Variants in NEFL observed in about 807,000 individuals in gnomAD.
NEFL encodes neurofilament light chain, also known as neurofilament light polypeptide.
NEFL carries 36 observed loss-of-function variants against 51.6 expected under a neutral mutation model. The ratio of observed to expected loss-of-function variants is 0.70; its 90% CI spans 0.53 to 0.92. The LOEUF is 0.92. NEFL is among the 40% of genes least tolerant of loss of function. The pLI is 0.00. For missense variants in NEFL, 671 were observed against 722.0 expected, an observed-to-expected ratio of 0.93 and a Z score of 0.81; for synonymous variants, 332 against 302.5, an observed-to-expected ratio of 1.10 and a Z score of -1.01.
rs1294652599 is a variant in NEFL, at chr8:24,955,835, G to T, written c.681C>A (p.His227Gln). The T allele has an allele frequency of 6.2e-7, 1 of 1,611,056 alleles. No individual in the cohort carries two copies. The highest frequency in any genetic ancestry group is 8.5e-7 in the Non-Finnish European group (1 of 1,179,852). ...CCTGCAGTTCGGCGATCTCCTCTTC[G>T]TGCACTTTCTTCAGAAAAGAGATTT... ...MDEISFLKKV[H>Q]EEEIAELQAQ... The change falls in exon 1 of 4, where the codon CAC becomes CAA. Residue 227 changes from histidine (H) to glutamine (Q), a missense_variant. Transcript: ENST00000610854. The surrounding 1 kb of genome is among the most constrained non-coding windows in gnomAD (Gnocchi z 4.0).
Position 24,956,407 on chromosome 8 carries a change from G to A in NEFL, c.109C>T (p.Arg37Cys), listed in dbSNP as rs763584363. ...GCCGAGTAGCTGGAGTAAGCTGAGCGTGCGGTGCTGTAGCCGCTGCGCACG... is the reference window on the plus strand; with the variant it reads ...GCCGAGTAGCTGGAGTAAGCTGAGCATGCGGTGCTGTAGCCGCTGCGCACG... ...SSVRSGYSTA[R>C]SAYSSYSAPV... is the part of the protein sequence containing the mutation. Residue 37 changes from arginine to cysteine, a missense_variant, in exon 1 of 4, where the codon CGC (arginine) becomes TGC (cysteine). Arg to Cys is a radical substitution (Grantham distance 180). Coordinates refer to ENST00000610854, the MANE Select transcript of NEFL (RefSeq NM_006158.5). This position sits in a 1 kb window ranked among gnomAD's most constrained non-coding sequence, Gnocchi z 5.9. 6 of 1,603,240 alleles carry A rather than the reference G, an allele frequency of 3.7e-6. No homozygotes were observed. Among genetic ancestry groups the A allele is most frequent in the East Asian group, 2.3e-5 (1 of 44,356 alleles).
chr8:24,956,570 G>C lies in NEFL; in HGVS notation c.-55C>G, dbSNP rs1392538774. On this transcript the variant is annotated 5_prime_UTR_variant, in exon 1 of 4. Coordinates refer to ENST00000610854, the MANE Select transcript of NEFL (RefSeq NM_006158.5). The surrounding 1 kb of genome is among the most constrained non-coding windows in gnomAD (Gnocchi z 5.9). ...GCGGCGGTGGGAGCCCGGAGAGAGA[G>C]GACAGGGGAGAGAGGGAAGGGGGAG... The C allele has an allele frequency of 6.7e-7, 1 of 1,498,438 alleles. No homozygotes were observed. The highest frequency in any genetic ancestry group is 9.1e-7 in the Non-Finnish European group (1 of 1,099,398). The allele number at this position is 1,498,438 out of a possible 1,614,324, so 92.8% of individuals were successfully genotyped here.
In NEFL at chr8:24,955,643, G is replaced by A. The variant is rs1466451392; in HGVS notation, c.873C>T (p.Ala291=). 1.2e-6 allele frequency: 2 copies of A among 1,613,732 alleles called. No individual in the cohort carries two copies. Among genetic ancestry groups the A allele is most frequent in the Non-Finnish European group, 1.7e-6 (2 of 1,179,894 alleles). Reference sequence around the variant, plus strand: ...CGCGCACGGCGTCGGTGTTCTTGGCGGCGCTCTCGGTCAGCACGGTGAAGC... The same window carrying A: ...CGCGCACGGCGTCGGTGTTCTTGGCAGCGCTCTCGGTCAGCACGGTGAAGC... The part of the protein sequence containing the change: ...KSRFTVLTES[A]AKNTDAVRAA... Residue 291 remains alanine (A), a synonymous_variant, in exon 1 of 4, where the codon GCC becomes GCT. Transcript: ENST00000610854. The surrounding 1 kb of genome is among the most constrained non-coding windows in gnomAD (Gnocchi z 4.0).
rs1169659599 is a variant in NEFL, at chr8:24,953,774, C to T, written c.1191G>A (p.Glu397=). ...AAYRKLLEGE[E]TRLSFTSVGS... ...CCACGCTGGTGAAACTGAGTCGGGTCTCCTCGCCTTCCAAGAGTTTCCTGG... is the reference window on the plus strand; with the variant it reads ...CCACGCTGGTGAAACTGAGTCGGGTTTCCTCGCCTTCCAAGAGTTTCCTGG... Residue 397 remains glutamate, a synonymous_variant, in exon 3 of 4, where the codon GAG becomes GAA. Coordinates refer to ENST00000610854, the MANE Select transcript of NEFL (RefSeq NM_006158.5). 2 of 1,612,158 alleles carry T rather than the reference C, an allele frequency of 1.2e-6. No homozygotes were observed. Among genetic ancestry groups the T allele is most frequent in the Non-Finnish European group, 1.7e-6 (2 of 1,178,640 alleles).
At chr8:24,954,450 G>C in intron 1 of NEFL, 145 bp from the exon 2 acceptor site, 2 of 962,668 alleles carry the variant, frequency 2.1e-6, no homozygotes, top group Non-Finnish European at 3.0e-6. Context: ...ATAACTTCCT[G>C]TATCTTTTGA....
Position 24,952,694 on chromosome 8 carries a change from C to T in NEFL, c.*116G>A. 2 of 1,484,476 alleles carry T rather than the reference C, an allele frequency of 1.3e-6. No homozygotes were observed. Among genetic ancestry groups the T allele is most frequent in the Non-Finnish European group, 1.8e-6 (2 of 1,087,222 alleles). The allele number at this position is 1,484,476 out of a possible 1,614,324, so 92.0% of individuals were successfully genotyped here. A position where few individuals can be genotyped will look rare whatever the true frequency, so the allele number is the denominator to read the frequency against. On this transcript the variant is annotated 3_prime_UTR_variant, in exon 4 of 4. Transcript: ENST00000610854. The stretch of plus-strand genomic sequence containing the variant: ...CAACCTAAGTCATCTCAGAATTATA[C>T]ATATATTGACTTTTTAATTCACATA...
rs1803053166 is a variant in NEFL, at chr8:24,956,218, G to A, written c.298C>T (p.Arg100Cys). Reference protein sequence around the residue: ...EKAQLQDLNDRFASFIERVHE... With the variant: ...EKAQLQDLNDCFASFIERVHE... ...ACGCGCTCGATGAAGCTGGCGAAGC[G>A]GTCATTGAGGTCCTGGAGCTGCGCC... Residue 100 changes from arginine to cysteine, a missense_variant, in exon 1 of 4, where the codon CGC (arginine) becomes TGC (cysteine). Coordinates refer to ENST00000610854, the MANE Select transcript of NEFL (RefSeq NM_006158.5). This position sits in a 1 kb window ranked among gnomAD's most constrained non-coding sequence, Gnocchi z 5.9. 6.2e-7 allele frequency: 1 copy of A among 1,611,160 alleles called. No homozygotes were observed. Among genetic ancestry groups the A allele is most frequent in the Non-Finnish European group, 8.5e-7 (1 of 1,178,896 alleles).
Position 24,955,194 on chromosome 8 carries a change from C to A in NEFL, c.1044+278G>T, listed in dbSNP as rs1301791847. ...ATCTCACTGCAGGCCGGAGGCAACG[C>A]CCAATTCCCACGTCTTCCCCTCCCC... On this transcript the variant is annotated intron_variant, in intron 1 of 3. Coordinates refer to ENST00000610854, the MANE Select transcript of NEFL (RefSeq NM_006158.5). This position sits in a 1 kb window ranked among gnomAD's most constrained non-coding sequence, Gnocchi z 4.0. 1 of 521,376 alleles carries A rather than the reference C, an allele frequency of 1.9e-6. No homozygotes were observed. Among genetic ancestry groups the A allele is most frequent in the East Asian group, 3.1e-5 (1 of 31,810 alleles). The allele number at this position is 521,376 out of a possible 1,614,324, so 32.3% of individuals were successfully genotyped here. A position where few individuals can be genotyped will look rare whatever the true frequency, so the allele number is the denominator to read the frequency against.
At chr8:24,954,826 A>G (rs1283804955) in intron 1 of NEFL, among the ~76,000 whole-genome samples, 4 of 152,006 alleles carry the variant, frequency 2.6e-5, no homozygotes, top group Non-Finnish European at 5.9e-5. Flanking sequence ...TAAAATGGAG[A>G]TCTTTTTAAA....
In NEFL at chr8:24,953,524, T is replaced by C; in HGVS notation, c.1441A>G (p.Lys481Glu). ...TCTTCCTCGGCCTCTTCCTTGTCCTTCTCCTCCTCCTCGGCTTCTCCTTCA... is the reference window on the plus strand; with the variant it reads ...TCTTCCTCGGCCTCTTCCTTGTCCTCCTCCTCCTCCTCGGCTTCTCCTTCA... The part of the protein sequence containing the change: ...PSEGEAEEEE[K>E]DKEEAEEEEA... Residue 481 changes from lysine to glutamate, a missense_variant, in exon 3 of 4, where the codon AAG becomes GAG. Transcript: ENST00000610854. The C allele has an allele frequency of 6.2e-7, 1 of 1,610,454 alleles. No individual in the cohort carries two copies. Among genetic ancestry groups the C allele is most frequent in the Non-Finnish European group, 8.5e-7 (1 of 1,178,288 alleles).
At position 24,955,532 on chromosome 8, in the gene NEFL, C is replaced by A. The variant is rs759524661; in HGVS notation, c.984G>T (p.Ala328=). Residue 328 remains alanine (A), a synonymous_variant, in exon 1 of 4, where the codon GCG becomes GCT. Transcript: ENST00000610854. The surrounding 1 kb of genome is among the most constrained non-coding windows in gnomAD (Gnocchi z 4.0). Reference sequence around the variant, plus strand: ...CCAGCTCCTGCAGCTGCTTCTCCAGCGCTTCATTCATGCCCCGGCATGCTT... The same window carrying A: ...CCAGCTCCTGCAGCTGCTTCTCCAGAGCTTCATTCATGCCCCGGCATGCTT... The part of the protein sequence containing the change: ...EIEACRGMNE[A]LEKQLQELED... 25 of 1,613,342 alleles carry A rather than the reference C, an allele frequency of 1.5e-5. No individual in the cohort carries two copies. Among genetic ancestry groups the A allele is most frequent in the East Asian group, 2.2e-5 (1 of 44,846 alleles).
rs767447724 is a variant in NEFL at position 24,953,803 on chromosome 8, T to G, written c.1170-8A>C. On this transcript the variant is annotated splice_region_variant and splice_polypyrimidine_tract_variant and intron_variant, in intron 2 of 3. Coordinates refer to ENST00000610854, the MANE Select transcript of NEFL (RefSeq NM_006158.5). ...TCGCCTTCCAAGAGTTTCCTGGGGATGCAGATGCAAGGTGAGGTTAAAAAA... is the reference window on the plus strand; with the variant it reads ...TCGCCTTCCAAGAGTTTCCTGGGGAGGCAGATGCAAGGTGAGGTTAAAAAA... The G allele has an allele frequency of 3.1e-6, 5 of 1,604,766 alleles. No individual in the cohort carries two copies. Among genetic ancestry groups the G allele is most frequent in the Non-Finnish European group, 4.3e-6 (5 of 1,174,344 alleles).
intron 1 of NEFL, 23 bp from the exon 2 acceptor site, chr8:24,954,328 C>CAAAAAAAAAAA (rs759422223): frequency 4.2e-6 from 6 of 1,445,640 alleles, no homozygotes; most frequent in Admixed American, 4.1e-5. Context: ...AAAAATAAAA[C>CAAAAAAAAAAA]AAAAAAAAAA....
chr8:24,955,211 C>T lies in NEFL; in HGVS notation c.1044+261G>A, dbSNP rs1803027299. 1 of 527,494 alleles carries T rather than the reference C, an allele frequency of 1.9e-6. No homozygotes were observed. The highest frequency in any genetic ancestry group is 3.3e-6 in the Non-Finnish European group (1 of 298,782). 32.7% of individuals were successfully genotyped at this position (527,494 alleles called of 1,614,324 possible). On this transcript the variant is annotated intron_variant, in intron 1 of 3. Transcript: ENST00000610854. This position sits in a 1 kb window ranked among gnomAD's most constrained non-coding sequence, Gnocchi z 4.0. ...AGGCAACGCCCAATTCCCACGTCTT[C>T]CCCTCCCCCACCCAACAAGGGCTGG...
rs756298337 is a variant in NEFL, at chr8:24,953,810, G to A, written c.1170-15C>T. 6.3e-7 allele frequency: 1 copy of A among 1,595,970 alleles called. No homozygotes were observed. Among genetic ancestry groups the A allele is most frequent in the South Asian group, 1.1e-5 (1 of 88,902 alleles). On this transcript the variant is annotated splice_polypyrimidine_tract_variant and intron_variant, in intron 2 of 3. Coordinates refer to ENST00000610854, the MANE Select transcript of NEFL (RefSeq NM_006158.5). ...CCAAGAGTTTCCTGGGGATGCAGAT[G>A]CAAGGTGAGGTTAAAAAACACCTGT...
Position 24,953,811 on chromosome 8 carries a change from C to T in NEFL, c.1170-16G>A. On this transcript the variant is annotated splice_polypyrimidine_tract_variant and intron_variant, in intron 2 of 3. Transcript: ENST00000610854. ...CAAGAGTTTCCTGGGGATGCAGATG[C>T]AAGGTGAGGTTAAAAAACACCTGTG... The T allele has an allele frequency of 1.3e-6, 2 of 1,595,546 alleles. No homozygotes were observed. Among genetic ancestry groups the T allele is most frequent in the Non-Finnish European group, 1.7e-6 (2 of 1,169,974 alleles).
chr8:24,951,564 A>C lies in NEFL; in HGVS notation c.*1246T>G, dbSNP rs1475723859. ...TTGAAATCCAAATATCTCCCAGTAG[A>C]GACATGCAGAGCAATGTCAATGTAA... On this transcript the variant is annotated 3_prime_UTR_variant, in exon 4 of 4. Coordinates refer to ENST00000610854, the MANE Select transcript of NEFL (RefSeq NM_006158.5). 2.0e-5 allele frequency: 3 copies of C among 152,430 alleles called. No homozygotes were observed. Among genetic ancestry groups the C allele is most frequent in the African/African-American group, 7.2e-5 (3 of 41,462 alleles). 9.4% of individuals were successfully genotyped at this position (152,430 alleles called of 1,614,324 possible). A position where few individuals can be genotyped will look rare whatever the true frequency, so the allele number is the denominator to read the frequency against.
intron 2 of NEFL, 27 bp from the exon 3 acceptor site, chr8:24,953,822 TA>T (rs775943638): frequency 8.9e-6 from 14 of 1,578,682 alleles, no homozygotes; most frequent in Non-Finnish European, 1.2e-5. Context: ...AAGGTGAGGT[TA>T]AAAAACACCT....
rs62636522 is a variant in NEFL, at chr8:24,955,877, G to A, written c.639C>T (p.Ile213=). The change falls in exon 1 of 4, where the codon ATC becomes ATT. Residue 213 remains isoleucine (I), a synonymous_variant. Coordinates refer to ENST00000610854, the MANE Select transcript of NEFL (RefSeq NM_006158.5). The surrounding 1 kb of genome is among the most constrained non-coding windows in gnomAD (Gnocchi z 4.0). ...ALARAELEKR[I]DSLMDEISFL... The stretch of plus-strand genomic sequence containing the variant: ...AAGAGATTTCGTCCATCAAGCTGTC[G>A]ATGCGCTTCTCGAGCTCGGCGCGAG... 4 of 1,607,886 alleles carry A rather than the reference G, an allele frequency of 2.5e-6. No individual in the cohort carries two copies. Among genetic ancestry groups the A allele is most frequent in the Non-Finnish European group, 3.4e-6 (4 of 1,179,850 alleles).
Sources: allele counts gnomAD v4.1 joint callset (sites outside exome capture counted in the v4.1 genomes callset), GRCh38; gene constraint gnomAD v4.1.1; non-coding constraint Gnocchi (gnomAD v3.1); transcripts MANE v1.5; gene names NCBI Gene and HGNC (gene_info 2026-07-23, HGNC 2026-07-21).